SHQ1: variants seen among roughly 807,000 people sequenced by gnomAD.
The protein encoded by SHQ1 is protein SHQ1 homolog.
In SHQ1, 49 loss-of-function variants were observed where a neutral mutation model predicts 53.8. The ratio of observed to expected loss-of-function variants is 0.91; its 90% confidence interval spans 0.72 to 1.16. The LOEUF (loss-of-function observed/expected upper bound fraction) is 1.16. Among genes scored for constraint, SHQ1 ranks in the 50% most tolerant of loss-of-function variants. The pLI, the probability that SHQ1 is intolerant of heterozygous loss-of-function variation, is 0.00. For synonymous variants in SHQ1, 243 were observed against 251.0 expected (o/e 0.97, Z 0.30); for missense variants, 738 against 683.1 (o/e 1.08, Z -0.90).
chr3:72,839,874 C>T (rs1210880785), intron 4 of SHQ1, among the ~76,000 whole-genome samples: 1 of 151,938 alleles, frequency 6.6e-6, no homozygotes, highest in East Asian at 2.0e-4. Context: ...GATTCTCCTG[C>T]CTCAGCCTCC....
intron 1 of SHQ1, among the ~76,000 whole-genome samples, chr3:72,847,579 T>C (rs945248885): frequency 4.6e-5 from 7 of 151,140 alleles, no homozygotes; most frequent in African/African-American, 1.5e-4. Flanking sequence ...TTTAAACAGA[T>C]CAAGTGCTGA....
In SHQ1 at chr3:72,842,295, G is replaced by C. The variant is rs781104733; in HGVS notation, c.316C>G (p.Leu106Val). ...ATAAACATACCTATTTCTTCCACAA[G>C]TGGTTTTGCTGTCCTGGATTTTCTT... Reference protein sequence around the residue: ...APRKSRTAKPLVEEIGASEIP... With the variant: ...APRKSRTAKPVVEEIGASEIP... Residue 106 changes from leucine (L) to valine (V), a missense_variant, in exon 3 of 11, where the codon CTT (leucine) becomes GTT (valine). Physicochemically the swap from Leu to Val is conservative, Grantham distance 32. Transcript: ENST00000325599. 3.7e-6 allele frequency: 6 copies of C among 1,613,402 alleles called. No individual in the cohort carries two copies. The highest frequency in any genetic ancestry group is 5.1e-6 in the Non-Finnish European group (6 of 1,179,612).
At chr3:72,842,903 A>G (rs1027701593) in intron 2 of SHQ1, among the ~76,000 whole-genome samples, 1 of 152,014 alleles carries the variant, frequency 6.6e-6, no homozygotes, top group Non-Finnish European at 1.5e-5. Context: ...GTGAAACCCC[A>G]TCTCTACTAA....
intron 3 of SHQ1, 105 bp downstream of exon 3, chr3:72,842,175 A>G: frequency 7.8e-7 from 1 of 1,288,296 alleles, no homozygotes; most frequent in Non-Finnish European, 1.1e-6. Context: ...TACCTGAAGT[A>G]TTTTCTTCAA....
At chr3:72,731,512 C>T in the SHQ1 span, among the ~76,000 whole-genome samples, 1 of 150,048 alleles carries the variant, frequency 6.7e-6, no homozygotes, top group Non-Finnish European at 1.5e-5. Flanking sequence ...ATGGTGAAAC[C>T]CCATCTATAC....
intron 5 of SHQ1, among the ~76,000 whole-genome samples, chr3:72,831,062 A>G (rs913709165): frequency 4.6e-5 from 7 of 152,244 alleles, no homozygotes; most frequent in Non-Finnish European, 1.5e-5. Flanking sequence ...GCATGATTTT[A>G]AATGGGTTTC....
chr3:72,841,808 C>T (rs150553007), intron 3 of SHQ1, among the ~76,000 whole-genome samples: 76 of 152,300 alleles, frequency 5.0e-4, no homozygotes, highest in African/African-American at 1.7e-3. Flanking sequence ...CTAGACCCTT[C>T]GCAGGCACAG....
At chr3:72,806,458 T>C (rs2106838765) in intron 9 of SHQ1, among the ~76,000 whole-genome samples, 2 of 152,156 alleles carry the variant, frequency 1.3e-5, no homozygotes, top group South Asian at 4.2e-4. Flanking sequence ...AAAAAAAAGT[T>C]CAAGAACAAT....
chr3:72,841,023 A>T (rs760681262), intron 4 of SHQ1, 22 bp downstream of exon 4: 2 of 1,592,706 alleles, frequency 1.3e-6, no homozygotes, highest in African/African-American at 2.7e-5. Context: ...ATAGATCAAG[A>T]TCTTTCAGAA....
At chr3:72,748,413 G>A (rs1263045604), downstream of SHQ1, among the ~76,000 whole-genome samples, 4 of 147,080 alleles carry the variant, frequency 2.7e-5, no homozygotes, top group East Asian at 2.1e-4. Flanking sequence ...TCAAACTGCC[G>A]GGCGTGGTCG....
At chr3:72,820,575 G>C (rs1707446305) in intron 6 of SHQ1, among the ~76,000 whole-genome samples, 1 of 152,142 alleles carries the variant, frequency 6.6e-6, no homozygotes, top group African/African-American at 2.4e-5. Flanking sequence ...GAACTTGGGG[G>C]AAGTTTGCAC....
chr3:72,733,506 T>A, the SHQ1 span, among the ~76,000 whole-genome samples: 2 of 151,564 alleles, frequency 1.3e-5, no homozygotes, highest in South Asian at 4.2e-4. Context: ...TGGTCTAGTC[T>A]CCCCTGGAGG....
chr3:72,761,861 A>T (rs1705616388), intron 10 of SHQ1, among the ~76,000 whole-genome samples: 1 of 152,236 alleles, frequency 6.6e-6, no homozygotes, highest in Non-Finnish European at 1.5e-5. Context: ...ACTCACATAC[A>T]GTTTCCCCTG....
In SHQ1 at chr3:72,848,257, C is replaced by T. The variant is rs766130461; in HGVS notation, c.84G>A (p.Glu28=). 1.1e-5 allele frequency: 18 copies of T among 1,614,234 alleles called. No homozygotes were observed. The highest frequency in any genetic ancestry group is 1.5e-5 in the Non-Finnish European group (18 of 1,180,050). Residue 28 remains glutamate (E), a synonymous_variant, in exon 1 of 11, where the codon GAG becomes GAA. Coordinates refer to ENST00000325599, the MANE Select transcript of SHQ1 (RefSeq NM_018130.3). ...AIRVPYARVS[E]FDVYFEGSDF... is the part of the protein sequence containing the mutation. ...CAGACCCCTCGAAGTAGACGTCGAA[C>T]TCGGAGACCCGGGCGTAGGGCACGC...
chr3:72,769,452 C>T (rs1431902570), intron 10 of SHQ1, among the ~76,000 whole-genome samples: 3 of 152,186 alleles, frequency 2.0e-5, no homozygotes, highest in South Asian at 2.1e-4. Flanking sequence ...TATCTCAATA[C>T]GTACCTGCTA....
chr3:72,773,815 G>A (rs1040064963), intron 10 of SHQ1, among the ~76,000 whole-genome samples: 10 of 152,126 alleles, frequency 6.6e-5, no homozygotes, highest in Admixed American at 3.3e-4. Flanking sequence ...CCTGCATAAC[G>A]ACAAGACCAA....
chr3:72,825,802 T>A (rs1001913365), intron 5 of SHQ1, among the ~76,000 whole-genome samples: 1 of 152,232 alleles, frequency 6.6e-6, no homozygotes, highest in East Asian at 1.9e-4. Flanking sequence ...TATAATCTTA[T>A]ATCAGTTTCT....
At chr3:72,838,302 A>G (rs1708059693) in intron 4 of SHQ1, among the ~76,000 whole-genome samples, 1 of 152,228 alleles carries the variant, frequency 6.6e-6, no homozygotes, top group African/African-American at 2.4e-5. Context: ...TACAAGTAGT[A>G]TACTATTTAC....
chr3:72,796,198 A>G (rs1170042034), intron 9 of SHQ1, among the ~76,000 whole-genome samples: 1 of 152,040 alleles, frequency 6.6e-6, no homozygotes, highest in Non-Finnish European at 1.5e-5. Flanking sequence ...AAGGAAAAAA[A>G]GGAGAATAAG....
Sources: allele counts gnomAD v4.1 joint callset (sites outside exome capture counted in the v4.1 genomes callset), GRCh38; gene constraint gnomAD v4.1.1; transcripts MANE v1.5; gene names NCBI Gene and HGNC (gene_info 2026-07-23, HGNC 2026-07-21).